The following GPHN variants were observed in gnomAD, a reference collection of about 807,000 sequenced individuals.
GPHN encodes the protein gephyrin.
A neutral mutation model predicts 95.5 loss-of-function variants in GPHN; 17 were observed. The observed-to-expected ratio is 0.18, with a 90% CI of 0.12 to 0.27. The LOEUF is 0.27. Ranked by LOEUF, GPHN falls within the 10% of genes least tolerant of loss-of-function variation. The pLI is 1.00. For synonymous variants in GPHN, 320 were observed against 322.5 expected (o/e 0.99, Z 0.08); for missense variants, 660 against 978.1 (o/e 0.67, Z 4.34).
the GPHN span, among the ~76,000 whole-genome samples, chr14:67,379,191 G>A: frequency 1.3e-5 from 2 of 152,158 alleles, no homozygotes; most frequent in Admixed American, 1.3e-4. Context: ...GTCTCTATAT[G>A]TAGTTGTTTG....
Position 66,766,955 on chromosome 14 carries a change from G to A in GPHN, c.144-9509G>A, listed in dbSNP as rs116154554. Among the ~76,000 whole-genome samples the A allele has an allele frequency of 5.1e-3, 774 of 151,780 alleles. 12 individuals are homozygous for A. Among genetic ancestry groups the A allele is most frequent in the African/African-American group, 0.018 (746 of 41,396 alleles). ...CCCCCCATTTTTAAAAAAACTTAGC[G>A]TCCCTGTTGATGGCTTTCAATATAG... is the stretch of plus-strand genomic sequence containing the variant. On this transcript the variant is annotated intron_variant, in intron 2 of 22. Transcript: ENST00000478722.
chr14:66,667,886 T>A (rs2066061164), intron 1 of GPHN, among the ~76,000 whole-genome samples: 1 of 152,220 alleles, frequency 6.6e-6, no homozygotes, highest in Admixed American at 6.5e-5. Flanking sequence ...TTTTGCAAAC[T>A]ATGCATCTGA....
chr14:67,488,655 A>G, the GPHN span: 1 of 152,430 alleles, frequency 6.6e-6, no homozygotes, highest in East Asian at 1.9e-4. Context: ...TGGGGAGTTC[A>G]ATCCCACCTG....
rs1435385699 is a variant in GPHN at position 66,514,497 on chromosome 14, G to A, written c.64+5906G>A. On this transcript the variant is annotated intron_variant, in intron 1 of 22. Transcript: ENST00000478722. Reference sequence around the variant, plus strand: ...AATCACTCTCTAAGATCACTTCAAGGCTCTCATGGCAGTATATGTTTCTAT... The same window carrying A: ...AATCACTCTCTAAGATCACTTCAAGACTCTCATGGCAGTATATGTTTCTAT... 3.3e-5 allele frequency among the ~76,000 whole-genome samples: 5 copies of A among 151,892 alleles called. No individual in the cohort carries two copies. In the East Asian group the frequency reaches 9.6e-4, roughly 29 times the overall value.
the GPHN span, chr14:67,473,986 C>G: frequency 1.7e-5 from 26 of 1,511,400 alleles, no homozygotes; most frequent in East Asian, 5.7e-4. The surrounding 1 kb of genome is among the most constrained non-coding windows in gnomAD (Gnocchi z 6.5). Context: ...GGCGCGGTGG[C>G]TCACGCCTAT....
the GPHN span, among the ~76,000 whole-genome samples, chr14:67,378,514 G>C: frequency 6.6e-6 from 1 of 152,116 alleles, no homozygotes; most frequent in African/African-American, 2.4e-5. Context: ...CATAGAGCCA[G>C]GCAGTATTCA....
chr14:67,077,101 A>G (rs1230311755), intron 11 of GPHN, among the ~76,000 whole-genome samples: 1 of 152,202 alleles, frequency 6.6e-6, no homozygotes, highest in Non-Finnish European at 1.5e-5. Flanking sequence ...AAGAAAGTAT[A>G]GACAGTCACT....
chr14:66,924,213 G>T lies in GPHN; in HGVS notation c.749G>T (p.Ser250Ile), dbSNP rs1402811799. The change falls in exon 8 of 23, where the codon AGT (serine) becomes ATT (isoleucine). Residue 250 changes from serine (S) to isoleucine (I), a missense_variant. This residue lies in a region of GPHN where 190 missense variants were observed against 224.7 expected (regional missense o/e 0.85). Transcript: ENST00000478722. ...IAAKKHPFYT[S>I]PAVVMAHGEQ... ...CATTAGAAGCATCCATTCTACACCAGTCCTGCTGTTGTCATGGCACACGGT... is the reference window on the plus strand; with the variant it reads ...CATTAGAAGCATCCATTCTACACCATTCCTGCTGTTGTCATGGCACACGGT... 12 of 1,605,030 alleles carry T rather than the reference G, an allele frequency of 7.5e-6. No individual in the cohort carries two copies. The highest frequency in any genetic ancestry group is 2.2e-5 in the East Asian group (1 of 44,828).
Position 66,627,735 on chromosome 14 carries a change from G to A in GPHN, c.65-53372G>A, listed in dbSNP as rs1008628070. On this transcript the variant is annotated intron_variant, in intron 1 of 22. Coordinates refer to ENST00000478722, the MANE Select transcript of GPHN (RefSeq NM_020806.5). ...TTAAAGTACTGATAATCTGATGTAC[G>A]TAGATTATATTACAGTGAATTATTT... Among the ~76,000 whole-genome samples, 8 of 152,144 alleles carry A rather than the reference G, an allele frequency of 5.3e-5. No individual in the cohort carries two copies. In the South Asian group the frequency reaches 1.2e-3, roughly 24 times the overall value.
At chr14:66,910,727 C>T (rs1221760894) in intron 5 of GPHN, among the ~76,000 whole-genome samples, 2 of 151,928 alleles carry the variant, frequency 1.3e-5, no homozygotes, top group Admixed American at 1.3e-4. Context: ...ACAAAAGGCA[C>T]AAACTTTTCT....
chr14:67,033,023 AC>A, intron 10 of GPHN, among the ~76,000 whole-genome samples: 1 of 152,330 alleles, frequency 6.6e-6, no homozygotes, highest in East Asian at 1.9e-4. Flanking sequence ...GGACAACTAA[AC>A]AAAATCAGGA....
intron 9 of GPHN, among the ~76,000 whole-genome samples, chr14:66,978,204 C>T (rs192601039): frequency 2.8e-4 from 42 of 152,332 alleles, no homozygotes; most frequent in African/African-American, 9.6e-4. Context: ...CTGATGGCTG[C>T]TGACTGATCA....
intron 9 of GPHN, among the ~76,000 whole-genome samples, chr14:67,020,115 T>C (rs2073529777): frequency 6.6e-6 from 1 of 152,206 alleles, no homozygotes; most frequent in African/African-American, 2.4e-5. Flanking sequence ...TTCTGTGTCT[T>C]GAGATATTGG....
At chr14:67,332,064 T>C in the GPHN span, among the ~76,000 whole-genome samples, 3 of 152,232 alleles carry the variant, frequency 2.0e-5, no homozygotes, top group South Asian at 2.1e-4. Context: ...CAATATAGTA[T>C]TGATGTGTGA....
chr14:66,991,488 C>T (rs985243951), intron 9 of GPHN, among the ~76,000 whole-genome samples: 6 of 151,940 alleles, frequency 3.9e-5, no homozygotes, highest in African/African-American at 1.5e-4. Context: ...AGGCAGGGGA[C>T]GGTGGCTCAT....
At chr14:67,333,151 A>G in the GPHN span, 2 of 466,414 alleles carry the variant, frequency 4.3e-6, no homozygotes, top group African/African-American at 2.0e-5. Context: ...TTTATTCTCT[A>G]TACATGGCTT....
intron 10 of GPHN, among the ~76,000 whole-genome samples, chr14:67,033,008 C>T (rs761291874): frequency 2.6e-5 from 4 of 151,962 alleles, no homozygotes; most frequent in Non-Finnish European, 4.4e-5. Context: ...AGAGAGAACA[C>T]AAATGGACAA....
chr14:67,579,836 C>T, the GPHN span: 13 of 1,606,916 alleles, frequency 8.1e-6, no homozygotes, highest in Admixed American at 1.7e-5. Context: ...GACGATCCCT[C>T]GGGCAGGGAC....
intron 4 of GPHN, among the ~76,000 whole-genome samples, chr14:66,878,117 A>C (rs2063753533): frequency 6.6e-6 from 1 of 152,178 alleles, no homozygotes; most frequent in South Asian, 2.1e-4. Context: ...AAAAACAAGC[A>C]ATGGGGAAAG....
Sources: gnomAD v4.1 joint callset for allele counts (sites outside exome capture counted in the v4.1 genomes callset) on GRCh38, gnomAD v4.1.1 for gene constraint, gnomAD v4.1.1 regional missense constraint, Gnocchi (gnomAD v3.1) non-coding constraint, MANE v1.5 for transcripts, NCBI Gene and HGNC (gene_info 2026-07-23, HGNC 2026-07-21) for gene names.